The following ZNF536 variants were observed in gnomAD, a reference collection of about 807,000 sequenced individuals.
ZNF536 encodes zinc finger protein 536.
A neutral mutation model predicts 84.5 loss-of-function variants in ZNF536; 13 were observed. That is an observed-to-expected ratio of 0.15 (90% CI 0.10 to 0.24). ZNF536 has a LOEUF of 0.24. Among genes scored for constraint, ZNF536 ranks in the 10% least tolerant of loss-of-function variants. The pLI is 1.00. For missense variants in ZNF536, 1,536 were observed against 1,747.5 expected, an observed-to-expected ratio of 0.88 and a Z score of 2.16; for synonymous variants, 811 against 742.5, an observed-to-expected ratio of 1.09 and a Z score of -1.50.
intron 2 of ZNF536, among the ~76,000 whole-genome samples, chr19:30,303,631 C>G (rs1047211825): frequency 1.3e-5 from 2 of 151,932 alleles, no homozygotes; most frequent in African/African-American, 4.8e-5. Context: ...GCCTCCCGAG[C>G]AGCTGGGATT....
At chr19:30,584,932 C>G (rs1404542740) in intron 1 of ZNF536, among the ~76,000 whole-genome samples, 3 of 151,936 alleles carry the variant, frequency 2.0e-5, no homozygotes, top group Non-Finnish European at 4.4e-5. Flanking sequence ...CCCCTCTCTA[C>G]AAAAATACTT....
intron 1 of ZNF536, among the ~76,000 whole-genome samples, chr19:30,411,917 A>G (rs1026793119): frequency 6.6e-6 from 1 of 152,058 alleles, no homozygotes; most frequent in African/African-American, 2.4e-5. Flanking sequence ...TGAACATGGT[A>G]TAGTTCTATT....
rs144686683 is a variant in ZNF536 at position 30,312,988 on chromosome 19, A to G, written c.-120+28847A>G. Among the ~76,000 whole-genome samples the G allele has an allele frequency of 7.3e-3, 1,106 of 152,284 alleles. 15 individuals carry two copies. Among genetic ancestry groups the G allele is most frequent in the Non-Finnish European group, 9.2e-3 (629 of 68,022 alleles). On this transcript the variant is annotated intron_variant, in intron 2 of 5. Coordinates refer to the ZNF536 transcript ENST00000585628. The stretch of plus-strand genomic sequence containing the variant: ...ACATCATGATGGCCACACTTCCCAT[A>G]CTTCTCTCCTTCCTATCAAAGTGAA...
chr19:30,230,606 G>A (rs1027099553), intron 1 of ZNF536, among the ~76,000 whole-genome samples: 7 of 152,192 alleles, frequency 4.6e-5, no homozygotes, highest in Admixed American at 1.3e-4. Context: ...GGACAGAGAG[G>A]CAGCTAGAAG....
chr19:30,690,116 G>C (rs2051349360), intron 1 of ZNF536, among the ~76,000 whole-genome samples: 1 of 152,180 alleles, frequency 6.6e-6, no homozygotes, highest in African/African-American at 2.4e-5. Flanking sequence ...GGACATCCTT[G>C]AGGCCTCTCC....
chr19:30,478,634 T>C (rs2053949873), intron 2 of ZNF536, among the ~76,000 whole-genome samples: 1 of 152,198 alleles, frequency 6.6e-6, no homozygotes, highest in South Asian at 2.1e-4. Context: ...TTATCTTCCT[T>C]CTAAACAACA....
chr19:30,228,866 C>T lies in ZNF536; in HGVS notation c.-190+193C>T, dbSNP rs2022793342. Among the ~76,000 whole-genome samples, 1 of 151,274 alleles carries T rather than the reference C, an allele frequency of 6.6e-6. No individual in the cohort carries two copies. The highest frequency in any genetic ancestry group is 2.4e-5 in the African/African-American group (1 of 41,182). On this transcript the variant is annotated intron_variant, in intron 1 of 5. Transcript: ENST00000585628. The surrounding 1 kb of genome is among the most constrained non-coding windows in gnomAD (Gnocchi z 4.5). ...CTCGCACAACTTTTTTTTTTTCCCC[C>T]GTCTGCTGACTTTTCGGGCCAGGTG...
At chr19:30,335,688 C>G (rs2047359976) in intron 2 of ZNF536, among the ~76,000 whole-genome samples, 1 of 152,316 alleles carries the variant, frequency 6.6e-6, no homozygotes, top group Admixed American at 6.5e-5. Flanking sequence ...GCTGCGAGTG[C>G]CACTTCCTCC....
intron 1 of ZNF536, among the ~76,000 whole-genome samples, chr19:30,442,574 T>C (rs2052103301): frequency 6.6e-6 from 1 of 152,200 alleles, no homozygotes; most frequent in South Asian, 2.1e-4. Context: ...TATCTTGCCA[T>C]TGAAGGATGG....
At chr19:30,398,174 T>C (rs564142641) in intron 1 of ZNF536, among the ~76,000 whole-genome samples, 3 of 152,256 alleles carry the variant, frequency 2.0e-5, no homozygotes, top group Admixed American at 2.0e-4. Context: ...TTTGATCACG[T>C]CTGTAGATTC....
intron 1 of ZNF536, among the ~76,000 whole-genome samples, chr19:30,240,373 A>AG (rs2023854314): frequency 7.9e-6 from 1 of 126,240 alleles, no homozygotes; most frequent in African/African-American, 3.1e-5. Flanking sequence ...ACTCTATCTC[A>AG]GAAAAAAAAA....
intron 1 of ZNF536, among the ~76,000 whole-genome samples, chr19:30,282,328 G>A (rs944041316): frequency 2.6e-5 from 4 of 152,366 alleles, no homozygotes; most frequent in Non-Finnish European, 5.9e-5. Flanking sequence ...AGCCTCCAAT[G>A]TAGCCACGAG....
chr19:30,707,170 T>A (rs1171293807), intron 1 of ZNF536, among the ~76,000 whole-genome samples: 1 of 152,104 alleles, frequency 6.6e-6, no homozygotes, highest in Non-Finnish European at 1.5e-5. Flanking sequence ...GCCAGGACGA[T>A]CTACTTGGAA....
At chr19:30,271,563 A>G (rs532202842) in intron 1 of ZNF536, among the ~76,000 whole-genome samples, 4 of 152,168 alleles carry the variant, frequency 2.6e-5, no homozygotes, top group Admixed American at 2.6e-4. Flanking sequence ...AGATAGCGAA[A>G]TGAGCAAAAC....
chr19:30,286,279 G>A (rs550777588), intron 2 of ZNF536, among the ~76,000 whole-genome samples: 1 of 152,334 alleles, frequency 6.6e-6, no homozygotes, highest in East Asian at 1.9e-4. Context: ...ATCAAAGTGG[G>A]AAGTTTTGTC....
intron 1 of ZNF536, among the ~76,000 whole-genome samples, chr19:30,250,261 C>G (rs1168795139): frequency 6.6e-6 from 1 of 152,184 alleles, no homozygotes; most frequent in Non-Finnish European, 1.5e-5. Context: ...TTAAGAAGGG[C>G]TTTTCTTGTG....
chr19:30,246,771 A>G (rs2024303668), intron 1 of ZNF536, among the ~76,000 whole-genome samples: 1 of 152,224 alleles, frequency 6.6e-6, no homozygotes, highest in Admixed American at 6.5e-5. Context: ...GTCTAGCGGT[A>G]GCCAAGGCTA....
rs538337720 is a variant in ZNF536 at position 30,366,352 on chromosome 19, C to G, written c.-3+13868C>G. On this transcript the variant is annotated intron_variant, in intron 3 of 5. Coordinates refer to the ZNF536 transcript ENST00000585628. ...AGTCTGTCTATCTGTCTATTATCTA[C>G]CTATCATATCTCTATCTATCTATCT... 8.1e-4 allele frequency among the ~76,000 whole-genome samples: 120 copies of G among 148,734 alleles called. 1 individual carries two copies. Among genetic ancestry groups the G allele is most frequent in the Non-Finnish European group, 1.4e-3 (97 of 67,106 alleles).
At chr19:30,584,106 C>A (rs1270140446) in intron 1 of ZNF536, among the ~76,000 whole-genome samples, 8 of 152,182 alleles carry the variant, frequency 5.3e-5, no homozygotes, top group Non-Finnish European at 1.2e-4. Context: ...CTTTTCTCAT[C>A]TCCAACGCTG....
Sources: allele counts gnomAD v4.1 joint callset (sites outside exome capture counted in the v4.1 genomes callset), GRCh38; gene constraint gnomAD v4.1.1; non-coding constraint Gnocchi (gnomAD v3.1); transcripts MANE v1.5; gene names NCBI Gene and HGNC (gene_info 2026-07-23, HGNC 2026-07-21).